CX3CR1: variants seen among roughly 807,000 people sequenced by gnomAD.
CX3CR1 encodes CX3C chemokine receptor 1.
For missense variants in CX3CR1, 363 were observed against 432.4 expected, an observed-to-expected ratio of 0.84 and a Z score of 1.42; for synonymous variants, 168 against 178.5, an observed-to-expected ratio of 0.94 and a Z score of 0.47.
At chr3:39,278,568 T>C (rs1422224029) in intron 1 of CX3CR1, among the ~76,000 whole-genome samples, 1 of 43,450 alleles carries the variant, frequency 2.3e-5, no homozygotes, top group Non-Finnish European at 4.7e-5. Context: ...TTTCACGTGG[T>C]TCAATTTTCC....
chr3:39,290,400 T>C, the CX3CR1 span, among the ~76,000 whole-genome samples: 1 of 152,350 alleles, frequency 6.6e-6, no homozygotes, highest in East Asian at 1.9e-4. Flanking sequence ...TTTCCAAACA[T>C]GGTCACAGTG....
the CX3CR1 span, among the ~76,000 whole-genome samples, chr3:39,292,623 G>C: frequency 6.6e-6 from 1 of 152,226 alleles, no homozygotes; most frequent in African/African-American, 2.4e-5. Flanking sequence ...CCTGTGCTAA[G>C]TAAGTGCCTT....
At chr3:39,292,750 C>T in the CX3CR1 span, among the ~76,000 whole-genome samples, 1 of 152,198 alleles carries the variant, frequency 6.6e-6, no homozygotes, top group Non-Finnish European at 1.5e-5. Flanking sequence ...AGTTCAGGAA[C>T]TGGAGCTGCA....
At chr3:39,283,310 A>C (rs1339166731), upstream of CX3CR1, among the ~76,000 whole-genome samples, 1 of 152,286 alleles carries the variant, frequency 6.6e-6, no homozygotes, top group East Asian at 1.9e-4. Context: ...TGAACTTAGC[A>C]TTGAGGTTTT....
At chr3:39,282,226 C>A (rs73828195), upstream of CX3CR1, among the ~76,000 whole-genome samples, 1,464 of 152,226 alleles carry the variant, frequency 9.6e-3, 22 homozygotes, top group African/African-American at 0.032. Context: ...GGCAGCCTTC[C>A]CCCTCCCTCC....
chr3:39,276,390 C>T (rs1234962312), intron 1 of CX3CR1, among the ~76,000 whole-genome samples: 1 of 152,168 alleles, frequency 6.6e-6, no homozygotes, highest in Non-Finnish European at 1.5e-5. Context: ...TTTACAGCAC[C>T]GTAGGTTATA....
chr3:39,285,286 G>A (rs571019734), upstream of CX3CR1, among the ~76,000 whole-genome samples: 1 of 152,112 alleles, frequency 6.6e-6, no homozygotes, highest in South Asian at 2.1e-4. Flanking sequence ...AGGCTGAGAT[G>A]GGAGGATCAC....
the CX3CR1 span, among the ~76,000 whole-genome samples, chr3:39,292,553 T>C: frequency 1.3e-5 from 2 of 152,200 alleles, no homozygotes; most frequent in Non-Finnish European, 2.9e-5. Flanking sequence ...GGCACAGAGA[T>C]AATAACAGTT....
the CX3CR1 span, among the ~76,000 whole-genome samples, chr3:39,290,326 C>T: frequency 2.0e-5 from 3 of 152,044 alleles, no homozygotes; most frequent in African/African-American, 7.3e-5. Flanking sequence ...AGCAGCAATC[C>T]CTCATGCCGA....
At chr3:39,274,969 C>T (rs887176670) in intron 1 of CX3CR1, among the ~76,000 whole-genome samples, 6 of 152,006 alleles carry the variant, frequency 3.9e-5, no homozygotes, top group Non-Finnish European at 7.4e-5. Context: ...TCAAGTGATT[C>T]TCCTGCCTCA....
chr3:39,274,146 A>G (rs1314581721), intron 1 of CX3CR1, among the ~76,000 whole-genome samples: 1 of 152,132 alleles, frequency 6.6e-6, no homozygotes, highest in East Asian at 1.9e-4. Flanking sequence ...TACTAGATAG[A>G]AAGGTTCTCA....
In CX3CR1 at chr3:39,266,162, G is replaced by C; in HGVS notation, c.348C>G (p.Ser116Arg). ...TAFFFIGFFG[S>R]IFFITVISID... ...TGCTGATGACGGTGATGAAGAATAT[G>C]CTTCCAAAAAAGCCGATGAAGAAGA... The change falls in exon 2 of 2, where the codon AGC (serine) becomes AGG (arginine). Residue 116 changes from serine (S) to arginine (R), a missense_variant. Coordinates refer to ENST00000399220, the MANE Select transcript of CX3CR1 (RefSeq NM_001337.4). The C allele has an allele frequency of 6.2e-7, 1 of 1,614,184 alleles. No homozygotes were observed. The highest frequency in any genetic ancestry group is 8.5e-7 in the Non-Finnish European group (1 of 1,180,036).
At chr3:39,291,007 A>C in the CX3CR1 span, among the ~76,000 whole-genome samples, 1 of 152,126 alleles carries the variant, frequency 6.6e-6, no homozygotes, top group East Asian at 1.9e-4. Flanking sequence ...TGCTTACTTT[A>C]TCTTACGTAA....
intron 1 of CX3CR1, among the ~76,000 whole-genome samples, chr3:39,270,986 C>T (rs575335568): frequency 1.5e-3 from 231 of 152,232 alleles, no homozygotes; most frequent in African/African-American, 5.1e-3. Flanking sequence ...ATAACTTGTT[C>T]GAGGTGATGC....
At chr3:39,291,835 T>A in the CX3CR1 span, among the ~76,000 whole-genome samples, 1 of 152,238 alleles carries the variant, frequency 6.6e-6, no homozygotes, top group East Asian at 1.9e-4. Context: ...TTTACCTACA[T>A]GCAGTGTTTG....
intron 1 of CX3CR1, among the ~76,000 whole-genome samples, chr3:39,277,255 G>C (rs2040850177): frequency 6.6e-6 from 1 of 152,234 alleles, no homozygotes; most frequent in South Asian, 2.1e-4. Flanking sequence ...AATCCCACCT[G>C]TGAAGCAGCC....
At chr3:39,291,203 C>A in the CX3CR1 span, among the ~76,000 whole-genome samples, 2 of 151,868 alleles carry the variant, frequency 1.3e-5, no homozygotes, top group South Asian at 4.2e-4. Context: ...ATTACAAGGG[C>A]CTGCCACTAT....
At chr3:39,276,040 A>G (rs1181676845) in intron 1 of CX3CR1, among the ~76,000 whole-genome samples, 1 of 152,186 alleles carries the variant, frequency 6.6e-6, no homozygotes. Context: ...ACAAAGGCAC[A>G]GAGGGTCTGA....
intron 1 of CX3CR1, among the ~76,000 whole-genome samples, chr3:39,274,478 CACCAA>C (rs1452870678): frequency 3.9e-3 from 313 of 80,294 alleles, no homozygotes; most frequent in Non-Finnish European, 6.3e-3. Flanking sequence ...CTCCAACCAC[CACCAA>C]AAAAAAAAAA....
Sources: allele counts gnomAD v4.1 joint callset (sites outside exome capture counted in the v4.1 genomes callset), GRCh38; gene constraint gnomAD v4.1.1; transcripts MANE v1.5; gene names NCBI Gene and HGNC (gene_info 2026-07-23, HGNC 2026-07-21).